ASTN2: variants seen among roughly 807,000 people sequenced by gnomAD.
ASTN2 encodes the protein astrotactin 2, also known as astrotactin-2.
ASTN2 carries 54 observed loss-of-function variants against 139.8 expected under a neutral mutation model. The ratio of observed to expected loss-of-function variants is 0.39; its 90% CI spans 0.31 to 0.48. The LOEUF (loss-of-function observed/expected upper bound fraction) is 0.48. ASTN2 is among the 20% of genes least tolerant of loss of function. ASTN2 has a pLI of 0.95. For missense variants in ASTN2, 1,565 were observed against 1,725.1 expected (o/e 0.91, Z 1.64); for synonymous variants, 756 against 719.5 (o/e 1.05, Z -0.81).
chr9:117,211,518 C>A (rs1033395006), intron 3 of ASTN2, among the ~76,000 whole-genome samples: 13 of 152,138 alleles, frequency 8.5e-5, no homozygotes, highest in Admixed American at 6.6e-4. Flanking sequence ...GAAGAAGGTG[C>A]TTGCTTCCCT....
At chr9:116,678,249 G>T (rs1859625788) in intron 16 of ASTN2, among the ~76,000 whole-genome samples, 1 of 152,172 alleles carries the variant, frequency 6.6e-6, no homozygotes, top group African/African-American at 2.4e-5. Flanking sequence ...TTAGATTATA[G>T]ATAAGGCCTG....
chr9:116,853,800 A>C (rs548518052), intron 11 of ASTN2, among the ~76,000 whole-genome samples: 46 of 152,268 alleles, frequency 3.0e-4, no homozygotes, highest in Middle Eastern at 3.4e-3. Context: ...ACACTAATAC[A>C]ATTTGAAAAC....
chr9:117,186,295 C>T (rs1441049480), intron 3 of ASTN2, among the ~76,000 whole-genome samples: 2 of 152,152 alleles, frequency 1.3e-5, no homozygotes, highest in African/African-American at 2.4e-5. Flanking sequence ...GCCTGTAATC[C>T]CAGCACTTTG....
intron 5 of ASTN2, among the ~76,000 whole-genome samples, chr9:117,079,453 T>C (rs1244387349): frequency 6.6e-6 from 1 of 152,014 alleles, no homozygotes; most frequent in Non-Finnish European, 1.5e-5. Flanking sequence ...AGGTCCAAAG[T>C]TAGGTATTTA....
intron 1 of ASTN2, among the ~76,000 whole-genome samples, chr9:117,345,162 T>A (rs1168676457): frequency 1.3e-5 from 2 of 152,128 alleles, no homozygotes; most frequent in African/African-American, 2.4e-5. Context: ...GTTAATTGAA[T>A]CCTCCAGCCA....
intron 13 of ASTN2, among the ~76,000 whole-genome samples, chr9:116,797,035 A>G (rs1830713448): frequency 6.6e-6 from 1 of 150,714 alleles, no homozygotes; most frequent in Non-Finnish European, 1.5e-5. Flanking sequence ...TCCTCAGACT[A>G]GTCTTGAACT....
Position 116,423,214 on chromosome 9 carries a change from T to C in ASTN2, c.*2637A>G, listed in dbSNP as rs1463081642. On this transcript the variant is annotated 3_prime_UTR_variant, in exon 23 of 23. Coordinates refer to ENST00000313400, the MANE Select transcript of ASTN2 (RefSeq NM_001365068.1). ...GACTCACAGTATTATGCATATTGTCTCCATCAGGAGAAAAAATAAAAAATA... is the reference window on the plus strand; with the variant it reads ...GACTCACAGTATTATGCATATTGTCCCCATCAGGAGAAAAAATAAAAAATA... Among the ~76,000 whole-genome samples the C allele has an allele frequency of 6.6e-6, 1 of 152,142 alleles. No homozygotes were observed. The highest frequency in any genetic ancestry group is 2.4e-5 in the African/African-American group (1 of 41,416).
chr9:117,197,200 G>C (rs1831534794), intron 3 of ASTN2: 1 of 152,276 alleles, frequency 6.6e-6, no homozygotes, highest in Non-Finnish European at 1.5e-5. Context: ...GGCTAGATGG[G>C]TGTCCTCTTC....
rs188396885 is a variant in ASTN2, at chr9:117,197,486, T to C, written c.1015+16872A>G. On this transcript the variant is annotated intron_variant, in intron 3 of 22. Transcript: ENST00000313400. ...GGCTGACTTGAAAAGATACTTTCTA[T>C]ATACATTGCTTAATAAACTATCAAA... 23 of 152,344 alleles carry C rather than the reference T, an allele frequency of 1.5e-4. No homozygotes were observed. The East Asian group carries it at 3.1e-3, about 20-fold the overall frequency. The allele number at this position is 152,344 out of a possible 1,614,324, so 9.4% of individuals were successfully genotyped here. A position where few individuals can be genotyped will look rare whatever the true frequency, so the allele number is the denominator to read the frequency against.
At chr9:116,456,250 G>A (rs1363000399) in intron 20 of ASTN2, among the ~76,000 whole-genome samples, 1 of 151,704 alleles carries the variant, frequency 6.6e-6, no homozygotes, top group Non-Finnish European at 1.5e-5. Context: ...AACGAAGAAA[G>A]GAATCCCGTT....
At chr9:116,925,870 AC>A (rs1564343701) in intron 10 of ASTN2, among the ~76,000 whole-genome samples, 48 of 151,922 alleles carry the variant, frequency 3.2e-4, no homozygotes, top group African/African-American at 9.7e-4. Context: ...CAACACACAC[AC>A]ACACACACAC....
intron 1 of ASTN2, among the ~76,000 whole-genome samples, chr9:117,329,827 C>A (rs564151528): frequency 5.1e-4 from 78 of 152,290 alleles, no homozygotes; most frequent in African/African-American, 1.6e-3. Flanking sequence ...CTGGGCTTGA[C>A]ACTAAAATAA....
chr9:117,391,276 C>T (rs938993571), intron 1 of ASTN2, among the ~76,000 whole-genome samples: 11 of 152,010 alleles, frequency 7.2e-5, no homozygotes, highest in Admixed American at 4.6e-4. Context: ...AAGTATGAGT[C>T]CATTTTCATG....
intron 3 of ASTN2, among the ~76,000 whole-genome samples, chr9:117,182,887 C>T (rs1346595586): frequency 6.6e-6 from 1 of 152,054 alleles, no homozygotes; most frequent in Non-Finnish European, 1.5e-5. Flanking sequence ...TCAAGAGACT[C>T]TTCCTCATAT....
rs376851350 is a variant in ASTN2, at chr9:116,440,601, G to A, written c.3782+8C>T. 36 of 1,612,170 alleles carry A rather than the reference G, an allele frequency of 2.2e-5. No individual in the cohort carries two copies. The highest frequency in any genetic ancestry group is 2.0e-4 in the South Asian group (18 of 90,974). ...TATGCCCCTCCAATCACACAAATAC[G>A]CCCATACCTGGGCCCCAGCTCATCC... On this transcript the variant is annotated splice_region_variant and intron_variant, in intron 22 of 22. Coordinates refer to ENST00000313400, the MANE Select transcript of ASTN2 (RefSeq NM_001365068.1).
intron 19 of ASTN2, chr9:116,584,085 T>C (rs1330280074): frequency 6.6e-6 from 1 of 152,116 alleles, no homozygotes; most frequent in Non-Finnish European, 1.5e-5. Context: ...AACCTGATCC[T>C]TTCTAAACAA....
chr9:117,171,278 G>C (rs1233503861), intron 3 of ASTN2, among the ~76,000 whole-genome samples: 1 of 152,190 alleles, frequency 6.6e-6, no homozygotes, highest in Non-Finnish European at 1.5e-5. Context: ...TACAGGTACA[G>C]GGTTAGTGTC....
intron 3 of ASTN2, among the ~76,000 whole-genome samples, chr9:117,149,460 T>C (rs1830278532): frequency 6.6e-6 from 1 of 152,130 alleles, no homozygotes; most frequent in Non-Finnish European, 1.5e-5. Flanking sequence ...TGTGTTCATG[T>C]CTTCTTGGTT....
intron 19 of ASTN2, among the ~76,000 whole-genome samples, chr9:116,505,054 G>A (rs11791095): frequency 0.31 from 47,246 of 151,748 alleles, 8,615 homozygotes; most frequent in Admixed American, 0.44. Flanking sequence ...ACTATTATGA[G>A]GGAAGAGTAA....
Sources: gnomAD v4.1 joint callset for allele counts (sites outside exome capture counted in the v4.1 genomes callset) on GRCh38, gnomAD v4.1.1 for gene constraint, MANE v1.5 for transcripts, NCBI Gene and HGNC (gene_info 2026-07-23, HGNC 2026-07-21) for gene names.